Variants in WWOX observed in about 807,000 individuals in gnomAD.
WWOX encodes the protein WW domain containing oxidoreductase.
In WWOX, 69 loss-of-function variants were observed where a neutral mutation model predicts 46.2. The ratio of observed to expected loss-of-function variants is 1.49; its 90% CI spans 1.23 to 1.82. WWOX has a LOEUF of 1.82. Ranked by LOEUF, WWOX falls within the 40% of genes most tolerant of loss-of-function variation. The probability of loss-of-function intolerance (pLI) is 0.00; values close to 1 mark genes in which losing one functional copy is unlikely to be tolerated. For synonymous variants in WWOX, 359 were observed against 202.6 expected, an observed-to-expected ratio of 1.77 and a Z score of -6.56; for missense variants, 919 against 542.6, an observed-to-expected ratio of 1.69 and a Z score of -6.89.
chr16:78,803,302 G>A (rs923370862), intron 8 of WWOX, among the ~76,000 whole-genome samples: 4 of 151,572 alleles, frequency 2.6e-5, no homozygotes, highest in East Asian at 1.9e-4. Flanking sequence ...TAGTGGCTTC[G>A]CAGAGTATTT....
At chr16:78,446,125 A>C (rs951674430) in intron 8 of WWOX, among the ~76,000 whole-genome samples, 3 of 152,210 alleles carry the variant, frequency 2.0e-5, no homozygotes, top group South Asian at 2.1e-4. Flanking sequence ...GGTGTGATAA[A>C]AAGGTATCAG....
At chr16:79,039,487 C>G (rs1597313803) in intron 8 of WWOX, among the ~76,000 whole-genome samples, 2 of 152,140 alleles carry the variant, frequency 1.3e-5, no homozygotes, top group African/African-American at 4.8e-5. Context: ...CGCATTTGCC[C>G]ATCGTAAAGG....
chr16:79,173,299 C>CCATGTGT (rs559672525), intron 8 of WWOX, among the ~76,000 whole-genome samples: 1,942 of 152,206 alleles, frequency 0.013, 44 homozygotes, highest in African/African-American at 0.044. Context: ...GTGCCATGTG[C>CCATGTGT]CATGTGCCAT....
At chr16:78,969,591 G>T (rs375204066) in intron 8 of WWOX, among the ~76,000 whole-genome samples, 20 of 152,280 alleles carry the variant, frequency 1.3e-4, no homozygotes, top group African/African-American at 4.8e-4. Context: ...AACTAGAACA[G>T]TTCCTCTCTT....
At chr16:78,491,773 C>T (rs958054810) in intron 8 of WWOX, among the ~76,000 whole-genome samples, 1 of 152,180 alleles carries the variant, frequency 6.6e-6, no homozygotes, top group Non-Finnish European at 1.5e-5. Flanking sequence ...TTTGAAACCC[C>T]AGGAGAAAAT....
At chr16:78,871,790 G>T (rs1597088165) in intron 8 of WWOX, among the ~76,000 whole-genome samples, 1 of 152,168 alleles carries the variant, frequency 6.6e-6, no homozygotes, top group East Asian at 1.9e-4. Context: ...TTTTAGTAGA[G>T]AGGGGTTTCA....
chr16:79,168,910 T>C (rs1172076486), intron 8 of WWOX, among the ~76,000 whole-genome samples: 1 of 152,232 alleles, frequency 6.6e-6, no homozygotes, highest in African/African-American at 2.4e-5. Context: ...AAAATCCCTT[T>C]AGAAAGTTAA....
intron 8 of WWOX, among the ~76,000 whole-genome samples, chr16:78,455,660 A>C (rs1166581421): frequency 6.6e-6 from 1 of 151,290 alleles, no homozygotes; most frequent in African/African-American, 2.4e-5. Flanking sequence ...AAAAAAAAAA[A>C]AAAAAAAAAA....
chr16:78,602,711 A>G (rs2151619107), intron 8 of WWOX, among the ~76,000 whole-genome samples: 1 of 152,178 alleles, frequency 6.6e-6, no homozygotes, highest in African/African-American at 2.4e-5. Context: ...ACAATAAATC[A>G]TTTTTCTTTA....
chr16:78,165,616 G>C (rs1290438504), intron 5 of WWOX, among the ~76,000 whole-genome samples: 1 of 152,158 alleles, frequency 6.6e-6, no homozygotes, highest in Non-Finnish European at 1.5e-5. Flanking sequence ...TTTGGGAGCA[G>C]AGCCTGAAGG....
intron 6 of WWOX, among the ~76,000 whole-genome samples, chr16:78,403,367 T>TA (rs1181855234): frequency 2.6e-5 from 4 of 152,206 alleles, no homozygotes; most frequent in Non-Finnish European, 5.9e-5. Context: ...ATAAAGTTAT[T>TA]AAAAAATTAA....
intron 8 of WWOX, among the ~76,000 whole-genome samples, chr16:78,681,644 T>G (rs1181014423): frequency 6.6e-6 from 1 of 152,032 alleles, no homozygotes; most frequent in African/African-American, 2.4e-5. Context: ...GAGTTCCTGC[T>G]CCTGATCTCA....
At chr16:78,576,009 TATC>T (rs2044870149) in intron 8 of WWOX, among the ~76,000 whole-genome samples, 1 of 152,182 alleles carries the variant, frequency 6.6e-6, no homozygotes, top group African/African-American at 2.4e-5. Flanking sequence ...TGTACTGGAT[TATC>T]ATTTATTTAT....
At chr16:78,361,531 T>C (rs142249880) in intron 5 of WWOX, among the ~76,000 whole-genome samples, 2 of 152,010 alleles carry the variant, frequency 1.3e-5, no homozygotes, top group African/African-American at 4.8e-5. Context: ...GTGGTGACTA[T>C]GTATTTCCCT....
chr16:78,351,415 A>G (rs6564527), intron 5 of WWOX, among the ~76,000 whole-genome samples: 111,053 of 152,148 alleles, frequency 0.73, 41,515 homozygotes, highest in African/African-American at 0.79. Context: ...AGCCAGAACT[A>G]TGGCCATGAA....
chr16:79,119,464 G>A (rs9933651), intron 8 of WWOX, among the ~76,000 whole-genome samples: 4 of 152,124 alleles, frequency 2.6e-5, no homozygotes, highest in Admixed American at 1.3e-4. Context: ...TGCCATCCGC[G>A]CTCCATGAGT....
At chr16:79,164,270 A>G (rs992657746) in intron 8 of WWOX, among the ~76,000 whole-genome samples, 7 of 152,138 alleles carry the variant, frequency 4.6e-5, no homozygotes, top group South Asian at 2.1e-4. Context: ...CTTAGCTCAG[A>G]GTTTGTTTTT....
intron 5 of WWOX, among the ~76,000 whole-genome samples, chr16:78,203,890 G>C (rs1236100467): frequency 6.6e-6 from 1 of 152,202 alleles, no homozygotes; most frequent in Non-Finnish European, 1.5e-5. Context: ...CCTGTGCATG[G>C]CTTTTGAGAG....
chr16:78,740,953 G>A (rs1013030457), intron 8 of WWOX, among the ~76,000 whole-genome samples: 4 of 152,122 alleles, frequency 2.6e-5, no homozygotes, highest in Non-Finnish European at 5.9e-5. Flanking sequence ...CACATTGTTG[G>A]AGAACTGTGC....
Sources: allele counts gnomAD v4.1 joint callset (sites outside exome capture counted in the v4.1 genomes callset), GRCh38; gene constraint gnomAD v4.1.1; transcripts MANE v1.5; gene names NCBI Gene and HGNC (gene_info 2026-07-23, HGNC 2026-07-21).